FCAMR: variants seen among roughly 807,000 people sequenced by gnomAD.
FCAMR encodes high affinity immunoglobulin alpha and immunoglobulin mu Fc receptor.
FCAMR carries 51 observed loss-of-function variants against 52.2 expected under a neutral mutation model. The ratio of observed to expected loss-of-function variants is 0.98; its 90% CI spans 0.78 to 1.23. The LOEUF is 1.23. Among genes scored for constraint, FCAMR ranks in the 50% most tolerant of loss-of-function variants. FCAMR has a pLI of 0.00. For missense variants in FCAMR, 719 were observed against 712.6 expected (o/e 1.01, Z -0.10); for synonymous variants, 282 against 262.0 (o/e 1.08, Z -0.74).
intron 1 of FCAMR, 124 bp downstream of exon 1, chr1:206,969,963 T>G (rs1680870743): frequency 3.4e-6 from 4 of 1,180,044 alleles, no homozygotes; most frequent in Admixed American, 2.0e-5. Context: ...TTACCTGGCC[T>G]CCTGGGAAGG....
chr1:206,960,798 C>G lies in FCAMR; in HGVS notation c.1078G>C (p.Glu360Gln), dbSNP rs1421202255. 6.4e-7 allele frequency: 1 copy of G among 1,552,424 alleles called. No homozygotes were observed. The highest frequency in any genetic ancestry group is 1.4e-5 in the African/African-American group (1 of 73,168). Residue 360 changes from glutamate (E) to glutamine (Q), a missense_variant, in exon 6 of 8, where the codon GAG (glutamate) becomes CAG (glutamine). Physicochemically the swap from Glu to Gln is conservative, Grantham distance 29. Coordinates refer to ENST00000324852, the MANE Select transcript of FCAMR (RefSeq NM_001170631.2). ...GCATCAAGAGCTATCCTGACCCCCT[C>G]TATGTCCTCCCTTGGCCTATCAGCC... ...TKADRPREDI[E>Q]GVRIALDAAK...
chr1:206,960,956 G>C lies in FCAMR; in HGVS notation c.920C>G (p.Pro307Arg), dbSNP rs552401505. ...CTTTGAAGGTGGACTCTCTGGAATC[G>C]GAGCAGGTGCTTTGACAGAACCCTC... ...WAEGSVKAPA[P>R]IPESPPSKSR... The change falls in exon 6 of 8, where the codon CCG becomes CGG. Residue 307 changes from proline to arginine, a missense_variant. Physicochemically the swap from Pro to Arg is moderately radical, Grantham distance 103. Coordinates refer to ENST00000324852, the MANE Select transcript of FCAMR (RefSeq NM_001170631.2). The C allele has an allele frequency of 1.3e-6, 2 of 1,552,010 alleles. No individual in the cohort carries two copies. The highest frequency in any genetic ancestry group is 1.7e-6 in the Non-Finnish European group (2 of 1,147,052).
At chr1:206,969,651 C>A (rs1184409567) in intron 1 of FCAMR, among the ~76,000 whole-genome samples, 2 of 152,188 alleles carry the variant, frequency 1.3e-5, no homozygotes, top group Non-Finnish European at 2.9e-5. Flanking sequence ...ATCCCCTCCC[C>A]ACATCCCCTG....
chr1:206,967,117 A>G lies in FCAMR; in HGVS notation c.109-5T>C. 1 of 1,613,642 alleles carries G rather than the reference A, an allele frequency of 6.2e-7. No homozygotes were observed. Among genetic ancestry groups the G allele is most frequent in the Non-Finnish European group, 8.5e-7 (1 of 1,179,852 alleles). On this transcript the variant is annotated splice_region_variant and splice_polypyrimidine_tract_variant and intron_variant, in intron 2 of 7. Coordinates refer to ENST00000324852, the MANE Select transcript of FCAMR (RefSeq NM_001170631.2). ...TCCCGCCCTCCTGCTGGTGACCTGC[A>G]AAAAACACTCTAAATGAAAAGAGGC...
intron 6 of FCAMR, 145 bp downstream of exon 6, chr1:206,960,277 G>T: frequency 1.3e-6 from 1 of 796,410 alleles, no homozygotes; most frequent in Non-Finnish European, 2.0e-6. Context: ...AAGGCCCCTT[G>T]GGTGAGGGAG....
chr1:206,963,425 T>C (rs1288365668), intron 4 of FCAMR, among the ~76,000 whole-genome samples: 1 of 152,130 alleles, frequency 6.6e-6, no homozygotes, highest in Admixed American at 6.5e-5. Flanking sequence ...CTTCATACCT[T>C]CTCCGTGGAC....
chr1:206,958,533 T>G lies in FCAMR; in HGVS notation c.1717A>C (p.Arg573=), dbSNP rs61729353. ...PAGASLTAPE[R]NPGP ...TCTGTCCCTCAGGGTCCTGGATTTC[T>G]CTCTGGGGCAGTCAGGCTGGCCCCA... Residue 573 remains arginine (R), a synonymous_variant, in exon 8 of 8, where the codon AGA becomes CGA. Transcript: ENST00000324852. The G allele has an allele frequency of 3.1e-6, 5 of 1,612,474 alleles. No homozygotes were observed. The African/African-American group carries it at 4.0e-5, about 13-fold the overall frequency.
chr1:206,960,597 T>A lies in FCAMR; in HGVS notation c.1279A>T (p.Ile427Phe). The change falls in exon 6 of 8, where the codon ATC becomes TTC. Residue 427 changes from isoleucine to phenylalanine, a missense_variant. Physicochemically the swap from Ile to Phe is conservative, Grantham distance 21. Transcript: ENST00000324852. The stretch of plus-strand genomic sequence containing the variant: ...ACATCTGCAGCTGGAGTTCCCAAGA[T>A]CCACACATCTGCAGCTGGAGTTCCC... ...TLGTPAADVW[I>F]LGTPAADVWT... The A allele has an allele frequency of 6.4e-7, 1 of 1,551,776 alleles. No homozygotes were observed. The highest frequency in any genetic ancestry group is 8.7e-7 in the Non-Finnish European group (1 of 1,147,012).
At chr1:206,965,558 C>A (rs1210895499) in intron 4 of FCAMR, among the ~76,000 whole-genome samples, 157 bp downstream of exon 4, 2 of 152,202 alleles carry the variant, frequency 1.3e-5, no homozygotes, top group Non-Finnish European at 2.9e-5. Context: ...GGTGCCCTGG[C>A]TCTCATCCCC....
chr1:206,965,843 A>G lies in FCAMR; in HGVS notation c.185T>C (p.Leu62Pro). The G allele has an allele frequency of 6.2e-7, 1 of 1,606,592 alleles. No individual in the cohort carries two copies. Among genetic ancestry groups the G allele is most frequent in the South Asian group, 1.1e-5 (1 of 89,920 alleles). ...TCTCGGATGGGGTCTTTTTTGTGGA[A>G]GGGCGAAAGAAGAACCTGCAGCAAA... ...LCLLQGSSFALPQKRPHPRWL... is the reference protein window; with the variant it reads ...LCLLQGSSFAPPQKRPHPRWL... Residue 62 changes from leucine to proline, a missense_variant, in exon 4 of 8, where the codon CTT becomes CCT. By Grantham distance (98) the Leu-to-Pro change is moderately conservative (BLOSUM62 -3). Transcript: ENST00000324852.
At chr1:206,967,793 C>A (rs1244520784) in intron 1 of FCAMR, 142 bp from the exon 2 acceptor site, 3 of 732,776 alleles carry the variant, frequency 4.1e-6, no homozygotes, top group African/African-American at 1.8e-5. Context: ...GTTTCTTCTC[C>A]ACAACTTCTA....
In FCAMR at chr1:206,970,272, G is replaced by T. The variant is rs1680886597; in HGVS notation, c.-147C>A. ...AAGCAGCTGGAGCTAGCAACGGAAG[G>T]TCGGGGTGCAAGGCGTAGCTCTGCC... On this transcript the variant is annotated 5_prime_UTR_variant, in exon 1 of 8. Coordinates refer to ENST00000324852, the MANE Select transcript of FCAMR (RefSeq NM_001170631.2). The T allele has an allele frequency of 2.4e-6, 2 of 824,812 alleles. No homozygotes were observed. Among genetic ancestry groups the T allele is most frequent in the Admixed American group, 2.5e-5 (1 of 39,928 alleles). 51.1% of individuals were successfully genotyped at this position (824,812 alleles called of 1,614,324 possible).
At chr1:206,967,772 G>T in intron 1 of FCAMR, 121 bp from the exon 2 acceptor site, 1 of 857,124 alleles carries the variant, frequency 1.2e-6, no homozygotes, top group Non-Finnish European at 1.9e-6. Flanking sequence ...TCTGCACTAG[G>T]GTGCTATTCT....
intron 3 of FCAMR, among the ~76,000 whole-genome samples, chr1:206,966,130 C>T (rs1680699461): frequency 6.6e-6 from 1 of 152,134 alleles, no homozygotes; most frequent in African/African-American, 2.4e-5. Flanking sequence ...GACTGCAGGC[C>T]TTGAGGGGAT....
chr1:206,960,310 G>A (rs1218119851), intron 6 of FCAMR, 112 bp downstream of exon 6: 3 of 1,144,476 alleles, frequency 2.6e-6, no homozygotes, highest in African/African-American at 1.6e-5. Flanking sequence ...GTATGTCACT[G>A]TCTTGTGGGT....
Position 206,958,454 on chromosome 1 carries a change from C to T in FCAMR, c.*62G>A, listed in dbSNP as rs988179139. On this transcript the variant is annotated 3_prime_UTR_variant, in exon 8 of 8. Coordinates refer to ENST00000324852, the MANE Select transcript of FCAMR (RefSeq NM_001170631.2). ...AAGGATGATGGAAAGAGGCTGGGGT[C>T]CTGAAGGCCTTTGATCTTGGTCCTT... 2.7e-6 allele frequency: 4 copies of T among 1,498,316 alleles called. No individual in the cohort carries two copies. Among genetic ancestry groups the T allele is most frequent in the South Asian group, 2.6e-5 (2 of 75,782 alleles). 92.8% of individuals were successfully genotyped at this position (1,498,316 alleles called of 1,614,324 possible). A position where few individuals can be genotyped will look rare whatever the true frequency, so the allele number is the denominator to read the frequency against.
At position 206,965,471 on chromosome 1, in the gene FCAMR, A is replaced by T. The variant is rs763790713; in HGVS notation, c.313+244T>A. 5.6e-4 allele frequency among the ~76,000 whole-genome samples: 86 copies of T among 152,318 alleles called. 1 individual carries two copies. The highest frequency in any genetic ancestry group is 9.1e-4 in the Non-Finnish European group (62 of 68,016). The stretch of plus-strand genomic sequence containing the variant: ...ATATTAACTACCATAAGAATTCAAG[A>T]CCAGGCCAGCATTTTAGGGTCAATG... On this transcript the variant is annotated intron_variant, in intron 4 of 7. Transcript: ENST00000324852.
intron 3 of FCAMR, among the ~76,000 whole-genome samples, chr1:206,966,073 G>A (rs1680697776): frequency 6.6e-6 from 1 of 152,170 alleles, no homozygotes; most frequent in South Asian, 2.1e-4. Flanking sequence ...TAGATTGGGA[G>A]GAGAGGGGTG....
In FCAMR at chr1:206,966,422, A is replaced by G. The variant is rs374563299; in HGVS notation, c.170-564T>C. ...TTGTTTTGAGATGGAGTCTCGCTCT[A>G]TTGCCCAGGTTGGAGTGCAGTGGCG... On this transcript the variant is annotated intron_variant, in intron 3 of 7. Transcript: ENST00000324852. Among the ~76,000 whole-genome samples, 4 of 152,216 alleles carry G rather than the reference A, an allele frequency of 2.6e-5. No individual in the cohort carries two copies. In the South Asian group the frequency reaches 8.3e-4, roughly 32 times the overall value.
Sources: allele counts gnomAD v4.1 joint callset (sites outside exome capture counted in the v4.1 genomes callset), GRCh38; gene constraint gnomAD v4.1.1; transcripts MANE v1.5; gene names NCBI Gene and HGNC (gene_info 2026-07-23, HGNC 2026-07-21).